Variants in PAPOLA observed in about 807,000 individuals in gnomAD.
The protein encoded by PAPOLA is polynucleotide adenylyltransferase alpha.
Under a neutral mutation model 100.6 loss-of-function variants are expected in PAPOLA, and 15 were observed. The ratio of observed to expected loss-of-function variants is 0.15; its 90% CI spans 0.10 to 0.23. The LOEUF is 0.23. Ranked by LOEUF, PAPOLA falls within the 10% of genes least tolerant of loss-of-function variation. The pLI is 1.00. For synonymous variants in PAPOLA, 293 were observed against 300.0 expected (o/e 0.98, Z 0.24); for missense variants, 533 against 884.2 (o/e 0.60, Z 5.04).
At chr14:96,559,615 ATG>A (rs1450455659) in intron 19 of PAPOLA, among the ~76,000 whole-genome samples, 40 of 147,272 alleles carry the variant, frequency 2.7e-4, no homozygotes, top group African/African-American at 7.4e-4. Context: ...ACATATATAT[ATG>A]TATATATATA....
At chr14:96,556,052 A>C (rs1901295123) in intron 18 of PAPOLA, 105 bp downstream of exon 18, 1 of 1,164,972 alleles carries the variant, frequency 8.6e-7, no homozygotes, top group East Asian at 2.4e-5. Flanking sequence ...CAGTTTTTTA[A>C]ATGCCAGTTT....
At chr14:96,534,941 T>C (rs1484284465) in intron 10 of PAPOLA, 14 of 996,482 alleles carry the variant, frequency 1.4e-5, no homozygotes, top group Admixed American at 5.7e-5. Context: ...TGGGTTGTTA[T>C]AGGAAAGCTG....
At chr14:96,534,672 G>A in intron 10 of PAPOLA, 109 bp downstream of exon 10, 1 of 1,569,002 alleles carries the variant, frequency 6.4e-7, no homozygotes, top group Non-Finnish European at 8.6e-7. Flanking sequence ...GAATGGTCAT[G>A]TCCGTATTAC....
chr14:96,535,713 A>C, intron 10 of PAPOLA, 166 bp from the exon 11 acceptor site: 1 of 821,602 alleles, frequency 1.2e-6, no homozygotes, highest in South Asian at 5.8e-5. Flanking sequence ...GATTCTATAA[A>C]AAATTCCTAT....
At chr14:96,533,447 T>A (rs1899219559) in intron 9 of PAPOLA, 2 of 983,744 alleles carry the variant, frequency 2.0e-6, no homozygotes, top group East Asian at 1.1e-4. Context: ...ATAAAAAAAA[T>A]TTAGAACCAT....
rs61983072 is a variant in PAPOLA at position 96,536,982 on chromosome 14, C to T, written c.1037C>T (p.Ala346Val). ...VMVEEFKQGL[A>V]ITDEILLSKA... ...TAATATGTTTTTAATTTAGGTCTTGCTATCACAGATGAAATTTTGCTGAGT... is the reference window on the plus strand; with the variant it reads ...TAATATGTTTTTAATTTAGGTCTTGTTATCACAGATGAAATTTTGCTGAGT... The change falls in exon 12 of 22, where the codon GCT (alanine) becomes GTT (valine). Residue 346 changes from alanine to valine, a missense_variant. Around this residue, in one of 9 missense-constraint regions of PAPOLA, gnomAD observed 87 missense variants for 173.3 expected, o/e 0.50. Transcript: ENST00000216277. 6 of 1,582,344 alleles carry T rather than the reference C, an allele frequency of 3.8e-6. No homozygotes were observed. The highest frequency in any genetic ancestry group is 8.7e-7 in the Non-Finnish European group (1 of 1,151,360).
At chr14:96,537,215 T>G in intron 12 of PAPOLA, 155 bp downstream of exon 12, 1 of 594,490 alleles carries the variant, frequency 1.7e-6, no homozygotes, top group Non-Finnish European at 3.0e-6. Flanking sequence ...CTTAGTTTTT[T>G]TTGGTTGAGG....
chr14:96,537,089 T>C, intron 12 of PAPOLA, 29 bp downstream of exon 12: 1 of 1,211,974 alleles, frequency 8.3e-7, no homozygotes, highest in South Asian at 1.2e-5. Context: ...GTCGGACATG[T>C]TGCTCTCTTA....
chr14:96,514,651 T>C (rs1897326685), intron 1 of PAPOLA, among the ~76,000 whole-genome samples: 1 of 152,242 alleles, frequency 6.6e-6, no homozygotes, highest in Non-Finnish European at 1.5e-5. Flanking sequence ...ATATTTATCC[T>C]AATTAGAGTC....
At chr14:96,517,468 T>A (rs1040696592) in intron 1 of PAPOLA, among the ~76,000 whole-genome samples, 1 of 152,208 alleles carries the variant, frequency 6.6e-6, no homozygotes, top group Admixed American at 6.5e-5. Context: ...ATTATGCTAA[T>A]GGAACTACAA....
intron 12 of PAPOLA, among the ~76,000 whole-genome samples, chr14:96,538,394 C>T (rs1449329068): frequency 6.6e-6 from 1 of 152,010 alleles, no homozygotes; most frequent in Non-Finnish European, 1.5e-5. Flanking sequence ...AAATTCACAT[C>T]ATTAGAACTT....
intron 19 of PAPOLA, among the ~76,000 whole-genome samples, chr14:96,557,745 T>C (rs1452574035): frequency 1.3e-5 from 2 of 150,496 alleles, no homozygotes; most frequent in Non-Finnish European, 3.0e-5. Flanking sequence ...ACTTTTTCTT[T>C]CTTTTTTTTT....
intron 6 of PAPOLA, among the ~76,000 whole-genome samples, chr14:96,529,201 T>TA (rs1221979517): frequency 6.6e-6 from 1 of 152,178 alleles, no homozygotes; most frequent in Non-Finnish European, 1.5e-5. Flanking sequence ...TTCCATCCTT[T>TA]AAAAAATGTG....
In PAPOLA at chr14:96,523,447, T is replaced by C. The variant is rs1898185316; in HGVS notation, c.250-1863T>C. Among the ~76,000 whole-genome samples, 3 of 152,330 alleles carry C rather than the reference T, an allele frequency of 2.0e-5. 1 individual carries two copies. Among genetic ancestry groups the C allele is most frequent in the South Asian group, 4.1e-4 (2 of 4,828 alleles). On this transcript the variant is annotated intron_variant, in intron 3 of 21. Transcript: ENST00000216277. ...ATTTACATCCTTGCAGAAAGTACCA[T>C]TGGAGAGTATTCTTCAAAAGATTGT...
At chr14:96,544,029 A>G (rs1335319654) in intron 14 of PAPOLA, 120 bp from the exon 15 acceptor site, 5 of 640,912 alleles carry the variant, frequency 7.8e-6, no homozygotes, top group African/African-American at 1.8e-5. Context: ...TTGGGCTTAG[A>G]ACTTTTAGTT....
intron 15 of PAPOLA, 110 bp from the exon 16 acceptor site, chr14:96,547,687 T>C (rs1900498455): frequency 2.1e-5 from 16 of 745,100 alleles, no homozygotes; most frequent in South Asian, 3.9e-5. Context: ...TCTACAGATA[T>C]GCAGTATTGA....
At chr14:96,532,980 A>T in intron 9 of PAPOLA, 1 of 1,009,024 alleles carries the variant, frequency 9.9e-7, no homozygotes, top group Non-Finnish European at 1.2e-6. Context: ...TGTACACACT[A>T]CCTCTTTCAC....
At chr14:96,526,646 T>C (rs1292174498) in intron 4 of PAPOLA, 1 of 152,868 alleles carries the variant, frequency 6.5e-6, no homozygotes, top group Non-Finnish European at 1.5e-5. Context: ...GAGGCTGTAT[T>C]CTTTAACCAT....
At chr14:96,507,204 G>A (rs1424434489) in intron 1 of PAPOLA, among the ~76,000 whole-genome samples, 4 of 151,128 alleles carry the variant, frequency 2.6e-5, no homozygotes, top group Non-Finnish European at 5.9e-5. Context: ...GCCATCTTTG[G>A]TTTAGCCAGA....
Sources: allele counts gnomAD v4.1 joint callset (sites outside exome capture counted in the v4.1 genomes callset), GRCh38; gene constraint gnomAD v4.1.1; regional missense constraint gnomAD v4.1.1; transcripts MANE v1.5; gene names NCBI Gene and HGNC (gene_info 2026-07-23, HGNC 2026-07-21).